EFCAB7: variants seen among roughly 807,000 people sequenced by gnomAD.
The protein encoded by EFCAB7 is EF-hand calcium-binding domain-containing protein 7.
Under a neutral mutation model 77.1 loss-of-function variants are expected in EFCAB7, and 66 were observed. That is an observed-to-expected ratio of 0.86 (90% CI 0.70 to 1.05). The LOEUF (loss-of-function observed/expected upper bound fraction) is 1.05, where lower values mean the gene tolerates loss of function less well. Among genes scored for constraint, EFCAB7 ranks in the 50% least tolerant of loss-of-function variants. EFCAB7 has a pLI of 0.00. For missense variants in EFCAB7, 638 were observed against 730.5 expected (o/e 0.87, Z 1.46); for synonymous variants, 225 against 243.3 (o/e 0.92, Z 0.70).
At chr1:63,533,152 T>C (rs1362208758) in intron 4 of EFCAB7, among the ~76,000 whole-genome samples, 1 of 152,128 alleles carries the variant, frequency 6.6e-6, no homozygotes, top group African/African-American at 2.4e-5. Flanking sequence ...GGAAGAATCA[T>C]AAAAATTATT....
intron 7 of EFCAB7, chr1:63,550,388 A>AC (rs1646950688): frequency 6.6e-6 from 1 of 152,158 alleles, no homozygotes; most frequent in African/African-American, 2.4e-5. Context: ...CTATGATTAT[A>AC]ACTATACAGT....
downstream of EFCAB7, among the ~76,000 whole-genome samples, chr1:63,575,614 C>G (rs1045912436): frequency 6.6e-6 from 1 of 152,044 alleles, no homozygotes; most frequent in East Asian, 1.9e-4. Context: ...GAGACAGAGT[C>G]TTGCTCTGTC....
intron 7 of EFCAB7, among the ~76,000 whole-genome samples, chr1:63,546,487 C>A (rs1646899986): frequency 6.6e-6 from 1 of 151,866 alleles, no homozygotes; most frequent in Non-Finnish European, 1.5e-5. Flanking sequence ...GCCTCAGCCT[C>A]CCCGAGTAGC....
At chr1:63,538,111 T>TA (rs149559942) in intron 6 of EFCAB7, among the ~76,000 whole-genome samples, 2,685 of 152,284 alleles carry the variant, frequency 0.018, 94 homozygotes, top group African/African-American at 0.061. Context: ...AGTTTGCACT[T>TA]ATATGAATTT....
chr1:63,576,058 G>A (rs920252233), downstream of EFCAB7, among the ~76,000 whole-genome samples: 1 of 152,014 alleles, frequency 6.6e-6, no homozygotes, highest in African/African-American at 2.4e-5. Context: ...CTTAATTTCT[G>A]GGGGAAAAAA....
At chr1:63,578,677 G>C in the EFCAB7 span, among the ~76,000 whole-genome samples, 4 of 152,010 alleles carry the variant, frequency 2.6e-5, no homozygotes, top group Non-Finnish European at 5.9e-5. Flanking sequence ...TCCTGACCTC[G>C]TGATCTGCCC....
intron 9 of EFCAB7, among the ~76,000 whole-genome samples, chr1:63,556,227 A>G (rs1263622311): frequency 1.3e-5 from 2 of 152,312 alleles, no homozygotes; most frequent in Non-Finnish European, 2.9e-5. Context: ...GTATCCTTGA[A>G]AATTGCTAAG....
chr1:63,582,294 C>A, the EFCAB7 span, among the ~76,000 whole-genome samples: 23,995 of 152,192 alleles, frequency 0.16, 1,926 homozygotes, highest in Middle Eastern at 0.26. Flanking sequence ...ATAGCAAAGT[C>A]ATGACATTAC....
At chr1:63,537,270 A>C (rs1646774154) in intron 6 of EFCAB7, among the ~76,000 whole-genome samples, 1 of 152,172 alleles carries the variant, frequency 6.6e-6, no homozygotes, top group Admixed American at 6.5e-5. Context: ...TCATGTCTAG[A>C]ATTAGAGTAA....
downstream of EFCAB7, among the ~76,000 whole-genome samples, chr1:63,577,677 A>G (rs1043048905): frequency 6.6e-6 from 1 of 152,232 alleles, no homozygotes; most frequent in African/African-American, 2.4e-5. Context: ...GTTAAAATAA[A>G]TAAGTAGTAG....
intron 6 of EFCAB7, among the ~76,000 whole-genome samples, chr1:63,541,531 A>G (rs1389233358): frequency 6.6e-6 from 1 of 152,180 alleles, no homozygotes; most frequent in Non-Finnish European, 1.5e-5. Context: ...AACATTTTAG[A>G]AATAGTTAAC....
At chr1:63,547,738 G>A (rs972986968) in intron 7 of EFCAB7, 2 of 152,186 alleles carry the variant, frequency 1.3e-5, no homozygotes, top group Admixed American at 6.6e-5. Context: ...CTGGTGGCTG[G>A]CTTTGCTAAT....
At chr1:63,572,227 A>T (rs1647282892) in intron 13 of EFCAB7, among the ~76,000 whole-genome samples, 1 of 152,172 alleles carries the variant, frequency 6.6e-6, no homozygotes, top group African/African-American at 2.4e-5. Flanking sequence ...ACACACACCA[A>T]CTGACAGCTA....
At chr1:63,564,838 AGCATG>A (rs1312639594) in intron 11 of EFCAB7, among the ~76,000 whole-genome samples, 1 of 152,236 alleles carries the variant, frequency 6.6e-6, no homozygotes, top group Non-Finnish European at 1.5e-5. Context: ...TAACCAAAAC[AGCATG>A]GTACTGGTAC....
chr1:63,534,399 T>C (rs1646738868), intron 6 of EFCAB7, 183 bp downstream of exon 6: 1 of 456,552 alleles, frequency 2.2e-6, no homozygotes, highest in Non-Finnish European at 3.8e-6. Context: ...AATATTATTA[T>C]AAGGTCTTCA....
rs140563020 is a variant in EFCAB7, at chr1:63,547,697, G to C, written c.946+1640G>C. The C allele has an allele frequency of 9.2e-5, 14 of 152,316 alleles. No homozygotes were observed. In the East Asian group the frequency reaches 2.5e-3, roughly 27 times the overall value. 9.4% of individuals were successfully genotyped at this position (152,316 alleles called of 1,614,324 possible). A position where few individuals can be genotyped will look rare whatever the true frequency, so the allele number is the denominator to read the frequency against. ...GGCTTGTTTTTTCTCTATAGGGCTT[G>C]CTCACACAGTTATGGTTAGCTACAG... On this transcript the variant is annotated intron_variant, in intron 7 of 13. Transcript: ENST00000371088.
At chr1:63,566,477 C>T (rs1647174669) in intron 11 of EFCAB7, among the ~76,000 whole-genome samples, 1 of 152,044 alleles carries the variant, frequency 6.6e-6, no homozygotes, top group African/African-American at 2.4e-5. Context: ...CAAATCTGCA[C>T]ATGTACCCCT....
At chr1:63,538,640 A>G (rs1237797805) in intron 6 of EFCAB7, among the ~76,000 whole-genome samples, 1 of 152,194 alleles carries the variant, frequency 6.6e-6, no homozygotes, top group East Asian at 1.9e-4. Flanking sequence ...TTTAGTAGAG[A>G]CAGGGTTTCA....
At chr1:63,581,382 T>TA in the EFCAB7 span, among the ~76,000 whole-genome samples, 1,985 of 98,976 alleles carry the variant, frequency 0.02, 62 homozygotes, top group African/African-American at 0.075. Flanking sequence ...TCCCGTCTCT[T>TA]AAAAAAAAAA....
Sources: allele counts gnomAD v4.1 joint callset (sites outside exome capture counted in the v4.1 genomes callset), GRCh38; gene constraint gnomAD v4.1.1; transcripts MANE v1.5; gene names NCBI Gene and HGNC (gene_info 2026-07-23, HGNC 2026-07-21).